STRN3: variants seen among roughly 807,000 people sequenced by gnomAD.
The protein encoded by STRN3 is striatin-3.
A neutral mutation model predicts 95.6 loss-of-function variants in STRN3; 29 were observed. The observed-to-expected ratio is 0.30, with a 90% confidence interval of 0.23 to 0.41. STRN3 has a LOEUF of 0.41. STRN3 is among the 10% of genes least tolerant of loss of function. The pLI, the probability that STRN3 is intolerant of heterozygous loss-of-function variation, is 1.00. For synonymous variants in STRN3, 331 were observed against 357.6 expected (o/e 0.93, Z 0.84); for missense variants, 890 against 972.1 (o/e 0.92, Z 1.12).
At chr14:30,937,981 C>G (rs1878906640) in intron 5 of STRN3, among the ~76,000 whole-genome samples, 1 of 152,220 alleles carries the variant, frequency 6.6e-6, no homozygotes, top group South Asian at 2.1e-4. Flanking sequence ...CACATTCTCC[C>G]TGTAGTATAC....
intron 1 of STRN3, among the ~76,000 whole-genome samples, chr14:30,961,230 C>T (rs1880189713): frequency 6.6e-6 from 1 of 152,138 alleles, no homozygotes; most frequent in Admixed American, 6.5e-5. Flanking sequence ...AACACAAAGC[C>T]TTTGTAGCCC....
At chr14:30,983,355 C>G (rs1454346737) in intron 1 of STRN3, among the ~76,000 whole-genome samples, 1 of 152,070 alleles carries the variant, frequency 6.6e-6, no homozygotes, top group African/African-American at 2.4e-5. Flanking sequence ...CCAGTCTGGC[C>G]AAAATGGAGA....
chr14:30,981,727 T>C (rs1881410683), intron 1 of STRN3, among the ~76,000 whole-genome samples: 1 of 152,130 alleles, frequency 6.6e-6, no homozygotes, highest in Non-Finnish European at 1.5e-5. Flanking sequence ...TCAAAGAGGA[T>C]GGATAAACAA....
At chr14:30,912,243 GT>G in intron 10 of STRN3, 61 bp from the exon 11 acceptor site, 2 of 1,496,158 alleles carry the variant, frequency 1.3e-6, no homozygotes, top group Non-Finnish European at 1.8e-6. Flanking sequence ...CATGTGGAGT[GT>G]TTGTTCGTTT....
chr14:30,913,208 G>T (rs1310093563), intron 10 of STRN3, among the ~76,000 whole-genome samples: 1 of 151,974 alleles, frequency 6.6e-6, no homozygotes, highest in Non-Finnish European at 1.5e-5. Flanking sequence ...TATGATTCAG[G>T]TTATTTTTTT....
At chr14:31,016,146 G>A (rs1883226286) in intron 1 of STRN3, among the ~76,000 whole-genome samples, 1 of 152,162 alleles carries the variant, frequency 6.6e-6, no homozygotes, top group Non-Finnish European at 1.5e-5. Flanking sequence ...AGATCATGTG[G>A]CAGTTTCTTA....
intron 8 of STRN3, among the ~76,000 whole-genome samples, chr14:30,923,135 A>G (rs1566437448): frequency 6.6e-6 from 1 of 152,222 alleles, no homozygotes; most frequent in South Asian, 2.1e-4. Flanking sequence ...ATCATAACAG[A>G]TAATTTGTAG....
intron 1 of STRN3, among the ~76,000 whole-genome samples, chr14:30,983,287 T>C (rs1881499408): frequency 6.6e-6 from 1 of 152,166 alleles, no homozygotes; most frequent in Non-Finnish European, 1.5e-5. Flanking sequence ...TCATGCCTGT[T>C]ATCCCAGCAC....
At chr14:30,940,441 T>C (rs1302530208) in intron 5 of STRN3, among the ~76,000 whole-genome samples, 1 of 152,214 alleles carries the variant, frequency 6.6e-6, no homozygotes, top group Non-Finnish European at 1.5e-5. Context: ...CTTGGCTCAG[T>C]ATACAAATCT....
At position 31,025,907 on chromosome 14, in the gene STRN3, C is replaced by T. The variant is rs367622422; in HGVS notation, c.279G>A (p.Leu93=). ...RAHWEVERAE[L]QARIAFLQGE... is the part of the protein sequence containing the mutation. ...CACACCGACCCCAACGAGGTACCTGCAGTTCGGCCCGTTCCACCTCCCAGT... is the reference window on the plus strand; with the variant it reads ...CACACCGACCCCAACGAGGTACCTGTAGTTCGGCCCGTTCCACCTCCCAGT... The change falls in exon 1 of 18, where the codon CTG becomes CTA. Residue 93 remains leucine, a synonymous_variant. Coordinates refer to ENST00000357479, the MANE Select transcript of STRN3 (RefSeq NM_001083893.2). 1 of 1,600,692 alleles carries T rather than the reference C, an allele frequency of 6.2e-7. No individual in the cohort carries two copies. The highest frequency in any genetic ancestry group is 1.1e-5 in the South Asian group (1 of 89,352).
At chr14:30,899,915 C>A (rs1040432533) in intron 16 of STRN3, among the ~76,000 whole-genome samples, 1 of 152,102 alleles carries the variant, frequency 6.6e-6, no homozygotes, top group Non-Finnish European at 1.5e-5. Flanking sequence ...AAAGTTCTAT[C>A]ATGTTTCAGA....
At chr14:30,916,884 T>A (rs190682110) in intron 9 of STRN3, among the ~76,000 whole-genome samples, 1 of 152,328 alleles carries the variant, frequency 6.6e-6, no homozygotes, top group East Asian at 1.9e-4. Flanking sequence ...GAAGGAAACC[T>A]GTAGCTCGCA....
At chr14:30,957,388 G>A (rs1275325858) in intron 1 of STRN3, among the ~76,000 whole-genome samples, 16 of 142,478 alleles carry the variant, frequency 1.1e-4, no homozygotes, top group African/African-American at 3.2e-4. Flanking sequence ...AGGAAGTGGA[G>A]CTTGCAGTGA....
intron 16 of STRN3, among the ~76,000 whole-genome samples, chr14:30,896,571 AAGGGGAGGGG>A (rs201109138): frequency 6.4e-5 from 9 of 140,542 alleles, no homozygotes; most frequent in Admixed American, 4.3e-4. Context: ...AAAGAAAGGG[AAGGGGAGGGG>A]AGGGGAGGGG....
At chr14:30,995,138 C>T (rs1227301730) in intron 1 of STRN3, among the ~76,000 whole-genome samples, 1 of 152,178 alleles carries the variant, frequency 6.6e-6, no homozygotes, top group Non-Finnish European at 1.5e-5. Context: ...CCTGATAACC[C>T]ACAGTCATCA....
rs771191847 is a variant in STRN3 at position 30,895,396 on chromosome 14, C to T, written c.*15G>A. 6.3e-7 allele frequency: 1 copy of T among 1,585,628 alleles called. No individual in the cohort carries two copies. Among genetic ancestry groups the T allele is most frequent in the South Asian group, 1.1e-5 (1 of 87,966 alleles). ...TGTCCAAGCAAATCTTGTTACGATGCAAGTTTTTGTTGATTCATACAAATA... is the reference window on the plus strand; with the variant it reads ...TGTCCAAGCAAATCTTGTTACGATGTAAGTTTTTGTTGATTCATACAAATA... On this transcript the variant is annotated 3_prime_UTR_variant, in exon 18 of 18. Coordinates refer to ENST00000357479, the MANE Select transcript of STRN3 (RefSeq NM_001083893.2).
intron 16 of STRN3, among the ~76,000 whole-genome samples, chr14:30,899,870 C>T (rs1294426913): frequency 6.6e-6 from 1 of 151,854 alleles, no homozygotes; most frequent in Non-Finnish European, 1.5e-5. Flanking sequence ...AAATGGTTTA[C>T]TCATTTAAAT....
intron 1 of STRN3, among the ~76,000 whole-genome samples, chr14:30,976,269 T>A (rs1881100331): frequency 6.6e-6 from 1 of 152,212 alleles, no homozygotes; most frequent in Non-Finnish European, 1.5e-5. Flanking sequence ...AATAGTTACA[T>A]TAAGTTCAGA....
At chr14:30,966,119 GCCAATCGGAATTAGTTTAGCCTGTGCAT>G (rs572640665) in intron 1 of STRN3, among the ~76,000 whole-genome samples, 55 of 151,904 alleles carry the variant, frequency 3.6e-4, no homozygotes, top group South Asian at 1.7e-3. Context: ...CTTTTAATTA[GCCAATCGGAATTAGTTTAGCCTGTGCAT>G]CCAATCGGAA....
Sources: gnomAD v4.1 joint callset for allele counts (sites outside exome capture counted in the v4.1 genomes callset) on GRCh38, gnomAD v4.1.1 for gene constraint, MANE v1.5 for transcripts, NCBI Gene and HGNC (gene_info 2026-07-23, HGNC 2026-07-21) for gene names.